The following STK32B variants were observed in gnomAD, a reference collection of about 807,000 sequenced individuals.
The protein encoded by STK32B is serine/threonine kinase 32B.
STK32B carries 43 observed loss-of-function variants against 52.6 expected under a neutral mutation model. The ratio of observed to expected loss-of-function variants is 0.82; its 90% CI spans 0.64 to 1.05. The LOEUF (loss-of-function observed/expected upper bound fraction) is 1.05. Among genes scored for constraint, STK32B ranks in the 50% least tolerant of loss-of-function variants. STK32B has a pLI of 0.00. For missense variants in STK32B, 621 were observed against 534.6 expected (o/e 1.16, Z -1.59); for synonymous variants, 238 against 204.3 (o/e 1.17, Z -1.41).
intron 11 of STK32B, among the ~76,000 whole-genome samples, chr4:5,478,131 A>G (rs1282965391): frequency 6.6e-6 from 1 of 152,196 alleles, no homozygotes; most frequent in South Asian, 2.1e-4. Context: ...ACCTACTACC[A>G]GTTGCCCATC....
At chr4:5,283,532 C>G (rs55768185) in intron 3 of STK32B, among the ~76,000 whole-genome samples, 7,895 of 152,114 alleles carry the variant, frequency 0.052, 292 homozygotes, top group African/African-American at 0.11. Context: ...AGGAATTCAC[C>G]AAGAAACTGC....
intron 5 of STK32B, among the ~76,000 whole-genome samples, chr4:5,411,236 T>C (rs968978049): frequency 1.5e-4 from 23 of 152,054 alleles, no homozygotes; most frequent in African/African-American, 5.3e-4. Context: ...GGGGTTTCAC[T>C]GTGTTAGCCA....
chr4:5,220,573 A>C (rs1723467911), intron 3 of STK32B, among the ~76,000 whole-genome samples: 1 of 152,210 alleles, frequency 6.6e-6, no homozygotes. Context: ...TAAAATGCAA[A>C]AGGTCAAATG....
intron 11 of STK32B, among the ~76,000 whole-genome samples, chr4:5,484,515 A>C (rs1020288861): frequency 2.0e-5 from 3 of 152,180 alleles, no homozygotes; most frequent in Non-Finnish European, 4.4e-5. Context: ...TGAATACAGC[A>C]CACGGATAGG....
At chr4:5,286,674 T>G (rs1011907256) in intron 3 of STK32B, among the ~76,000 whole-genome samples, 8 of 152,208 alleles carry the variant, frequency 5.3e-5, no homozygotes, top group Non-Finnish European at 1.0e-4. Flanking sequence ...TTATGATTCT[T>G]CTGTTAATGA....
intron 3 of STK32B, among the ~76,000 whole-genome samples, chr4:5,212,326 A>G (rs999515399): frequency 3.9e-5 from 6 of 152,188 alleles, no homozygotes; most frequent in Non-Finnish European, 5.9e-5. Context: ...CGAGCAGTCA[A>G]GGTTATTTGT....
intron 3 of STK32B, among the ~76,000 whole-genome samples, chr4:5,299,105 G>T (rs916649915): frequency 6.6e-6 from 1 of 151,830 alleles, no homozygotes; most frequent in African/African-American, 2.4e-5. Flanking sequence ...CCCTGCTTCT[G>T]CTTGCCCTTC....
At chr4:5,022,431 A>ACCC in the STK32B span, among the ~76,000 whole-genome samples, 1 of 152,008 alleles carries the variant, frequency 6.6e-6, no homozygotes, top group Non-Finnish European at 1.5e-5. Flanking sequence ...AGGCTGGTGG[A>ACCC]CCCCCGCACG....
the STK32B span, among the ~76,000 whole-genome samples, chr4:5,033,400 T>C: frequency 2.6e-5 from 4 of 152,154 alleles, no homozygotes; most frequent in African/African-American, 9.7e-5. Context: ...GCATTTTGAG[T>C]GTTTTGGCCT....
the STK32B span, among the ~76,000 whole-genome samples, chr4:5,021,035 C>G: frequency 6.6e-6 from 1 of 152,140 alleles, no homozygotes; most frequent in African/African-American, 2.4e-5. Context: ...AGATGCAGCC[C>G]ACAGGGATGG....
Position 5,456,914 on chromosome 4 carries a change from G to C in STK32B, c.774G>C (p.Leu258=). The C allele has an allele frequency of 6.4e-7, 1 of 1,554,968 alleles. No individual in the cohort carries two copies. Among genetic ancestry groups the C allele is most frequent in the Non-Finnish European group, 8.7e-7 (1 of 1,147,908 alleles). Residue 258 remains leucine (L), a synonymous_variant, in exon 8 of 12, where the codon CTG becomes CTC. Coordinates refer to ENST00000282908, the MANE Select transcript of STK32B (RefSeq NM_018401.3). ...SSTWCKGMVA[L]LRKLLTKDPE... Reference sequence around the variant, plus strand: ...CGTGGTGCAAGGGGATGGTGGCCCTGCTGAGGAAGGTAAGGGGGCAGCTTC... The same window carrying C: ...CGTGGTGCAAGGGGATGGTGGCCCTCCTGAGGAAGGTAAGGGGGCAGCTTC...
At chr4:5,075,981 C>T (rs1205528725) in intron 1 of STK32B, among the ~76,000 whole-genome samples, 1 of 152,168 alleles carries the variant, frequency 6.6e-6, no homozygotes, top group Non-Finnish European at 1.5e-5. Context: ...CTTGCTCATG[C>T]ATCTATGGGA....
chr4:5,446,842 C>T (rs940534462), intron 7 of STK32B, 66 bp downstream of exon 7: 37 of 1,529,084 alleles, frequency 2.4e-5, no homozygotes, highest in South Asian at 1.8e-4. Context: ...TGTACCTGGA[C>T]GGGCAGAGTC....
chr4:5,298,661 A>G (rs985747724), intron 3 of STK32B, among the ~76,000 whole-genome samples: 1 of 152,058 alleles, frequency 6.6e-6, no homozygotes. Flanking sequence ...CATCACAGGT[A>G]TTGACTTTAG....
intron 11 of STK32B, among the ~76,000 whole-genome samples, chr4:5,483,304 G>T (rs564407415): frequency 4.0e-5 from 6 of 151,576 alleles, no homozygotes; most frequent in Non-Finnish European, 8.8e-5. Context: ...CTTCTTCCTG[G>T]TTTAGTCTTG....
intron 1 of STK32B, among the ~76,000 whole-genome samples, chr4:5,131,346 T>TA (rs903207513): frequency 1.3e-5 from 2 of 152,222 alleles, no homozygotes; most frequent in African/African-American, 4.8e-5. Context: ...CTTCCCTAGT[T>TA]ACCGTCATGT....
chr4:5,473,649 A>G (rs1228708832), intron 11 of STK32B, among the ~76,000 whole-genome samples: 1 of 152,172 alleles, frequency 6.6e-6, no homozygotes, highest in Non-Finnish European at 1.5e-5. Context: ...CTCTCCCTGT[A>G]GACACCTTCT....
At position 5,064,858 on chromosome 4, in the gene STK32B, A is replaced by G. The variant is rs1475693490; in HGVS notation, c.52+12943A>G. ...AATATATAAATATGCATATATAATTATATAATATATAAAAATATATTTCTC... is the reference window on the plus strand; with the variant it reads ...AATATATAAATATGCATATATAATTGTATAATATATAAAAATATATTTCTC... On this transcript the variant is annotated intron_variant, in intron 1 of 11. Transcript: ENST00000282908. 2.1e-5 allele frequency among the ~76,000 whole-genome samples: 3 copies of G among 144,372 alleles called. No homozygotes were observed. The South Asian group carries it at 6.3e-4, about 30-fold the overall frequency. 94.7% of individuals were successfully genotyped at this position (144,372 alleles called of 152,430 possible). A position where few individuals can be genotyped will look rare whatever the true frequency, so the allele number is the denominator to read the frequency against.
intron 2 of STK32B, among the ~76,000 whole-genome samples, chr4:5,164,479 AAG>A (rs1385981870): frequency 6.6e-6 from 1 of 152,220 alleles, no homozygotes; most frequent in Non-Finnish European, 1.5e-5. Flanking sequence ...CTATCCAAAT[AAG>A]AGCACTGTCT....
Sources: gnomAD v4.1 joint callset for allele counts (sites outside exome capture counted in the v4.1 genomes callset) on GRCh38, gnomAD v4.1.1 for gene constraint, MANE v1.5 for transcripts, NCBI Gene and HGNC (gene_info 2026-07-23, HGNC 2026-07-21) for gene names.